The following WWOX variants were observed in gnomAD, a reference collection of about 807,000 sequenced individuals.
The protein encoded by WWOX is WW domain-containing oxidoreductase.
In WWOX, 69 loss-of-function variants were observed where a neutral mutation model predicts 46.2. The observed-to-expected ratio is 1.49, with a 90% confidence interval of 1.23 to 1.82. WWOX has a LOEUF of 1.82. Among genes scored for constraint, WWOX ranks in the 40% most tolerant of loss-of-function variants. The probability of loss-of-function intolerance (pLI) is 0.00; values close to 1 mark genes in which losing one functional copy is unlikely to be tolerated. For missense variants in WWOX, 919 were observed against 542.6 expected (o/e 1.69, Z -6.89); for synonymous variants, 359 against 202.6 (o/e 1.77, Z -6.56).
intron 8 of WWOX, among the ~76,000 whole-genome samples, chr16:78,646,820 C>T (rs147213028): frequency 3.3e-5 from 5 of 152,292 alleles, no homozygotes; most frequent in Admixed American, 6.5e-5. Flanking sequence ...CTAGAATCGC[C>T]TTCCTTTTAT....
At chr16:79,029,084 T>C (rs552209850) in intron 8 of WWOX, among the ~76,000 whole-genome samples, 23 of 152,254 alleles carry the variant, frequency 1.5e-4, no homozygotes, top group African/African-American at 5.3e-4. Context: ...AATGGTCCAT[T>C]TGGGCAAACA....
At chr16:79,096,119 C>A (rs1284797800) in intron 8 of WWOX, among the ~76,000 whole-genome samples, 1 of 149,658 alleles carries the variant, frequency 6.7e-6, no homozygotes, top group East Asian at 2.0e-4. Context: ...CCGCCTGCCT[C>A]GGTCTCCCAA....
At chr16:78,426,363 A>G (rs1025028663) in intron 7 of WWOX, among the ~76,000 whole-genome samples, 3 of 152,172 alleles carry the variant, frequency 2.0e-5, no homozygotes, top group Admixed American at 6.5e-5. Flanking sequence ...CTGGTATTTA[A>G]TGGGAGATTA....
chr16:78,358,853 A>T (rs1232819505), intron 5 of WWOX, among the ~76,000 whole-genome samples: 1 of 144,350 alleles, frequency 6.9e-6, no homozygotes, highest in Non-Finnish European at 1.5e-5. Flanking sequence ...TAAAGTTGAA[A>T]TCACACTGTG....
At chr16:79,042,592 T>A (rs866259515) in intron 8 of WWOX, among the ~76,000 whole-genome samples, 1 of 152,196 alleles carries the variant, frequency 6.6e-6, no homozygotes, top group African/African-American at 2.4e-5. Flanking sequence ...AGCATGGAAA[T>A]TTGGAGCAAA....
At chr16:79,102,684 T>A (rs2049225711) in intron 8 of WWOX, among the ~76,000 whole-genome samples, 1 of 152,000 alleles carries the variant, frequency 6.6e-6, no homozygotes, top group African/African-American at 2.4e-5. Flanking sequence ...AGCCACTGCA[T>A]AAAGATGTCA....
At chr16:78,731,860 T>C (rs1433588611) in intron 8 of WWOX, among the ~76,000 whole-genome samples, 2 of 142,712 alleles carry the variant, frequency 1.4e-5, no homozygotes, top group Non-Finnish European at 3.0e-5. Context: ...TTTTTTTTTT[T>C]TTTGAGAGAC....
At chr16:79,030,521 C>G (rs905137844) in intron 8 of WWOX, among the ~76,000 whole-genome samples, 12 of 152,294 alleles carry the variant, frequency 7.9e-5, no homozygotes, top group African/African-American at 2.9e-4. Flanking sequence ...GGCACTGACA[C>G]CAGACCAGGC....
intron 8 of WWOX, among the ~76,000 whole-genome samples, chr16:79,030,680 C>G (rs2047735285): frequency 6.6e-6 from 1 of 152,216 alleles, no homozygotes; most frequent in South Asian, 2.1e-4. Flanking sequence ...GTCTTGAAAT[C>G]TTGGGCTCAC....
At chr16:78,184,294 A>C (rs2035625753) in intron 5 of WWOX, among the ~76,000 whole-genome samples, 1 of 141,672 alleles carries the variant, frequency 7.1e-6, no homozygotes, top group Admixed American at 6.9e-5. Flanking sequence ...ATTTACGGGG[A>C]TGGGGTGGGC....
chr16:78,753,801 C>CAAAAAAAAAAA (rs869066028), intron 8 of WWOX, among the ~76,000 whole-genome samples: 1 of 29,140 alleles, frequency 3.4e-5, no homozygotes, highest in Non-Finnish European at 5.5e-5. Flanking sequence ...GACCCTATAT[C>CAAAAAAAAAAA]AAAAAAAAAA....
intron 5 of WWOX, among the ~76,000 whole-genome samples, chr16:78,314,328 C>T (rs1168946283): frequency 6.7e-6 from 1 of 148,708 alleles, no homozygotes; most frequent in African/African-American, 2.5e-5. Context: ...ATGGTGTGAA[C>T]CCAGGACGCA....
intron 4 of WWOX, among the ~76,000 whole-genome samples, chr16:78,121,218 C>A (rs963369914): frequency 1.3e-5 from 2 of 152,076 alleles, no homozygotes; most frequent in Non-Finnish European, 2.9e-5. Context: ...CTGAAATAAT[C>A]GAAATAACCT....
At chr16:78,596,395 A>G (rs541688963) in intron 8 of WWOX, among the ~76,000 whole-genome samples, 105 of 151,960 alleles carry the variant, frequency 6.9e-4, no homozygotes, top group African/African-American at 2.4e-3. Context: ...ACATCAGTGA[A>G]GAGGTAATCC....
chr16:78,412,905 C>T (rs186270576), intron 6 of WWOX, among the ~76,000 whole-genome samples: 17 of 152,244 alleles, frequency 1.1e-4, no homozygotes, highest in East Asian at 3.9e-4. Flanking sequence ...AGTGAATGTC[C>T]TTTTTTCTCT....
rs532274363 is a variant in WWOX, at chr16:78,703,073, G to A, written c.1056+270321G>A. 5.1e-4 allele frequency among the ~76,000 whole-genome samples: 78 copies of A among 152,214 alleles called. 1 individual carries two copies. The highest frequency in any genetic ancestry group is 6.8e-3 in the Middle Eastern group (2 of 294). Reference sequence around the variant, plus strand: ...TGTTGGGATCAGAGAAGGCTCCTCCGATGATGGGATGTTAGGTAGAGGGCT... The same window carrying A: ...TGTTGGGATCAGAGAAGGCTCCTCCAATGATGGGATGTTAGGTAGAGGGCT... On this transcript the variant is annotated intron_variant, in intron 8 of 8. Coordinates refer to ENST00000566780, the MANE Select transcript of WWOX (RefSeq NM_016373.4).
At chr16:78,443,421 A>G (rs74030256) in intron 8 of WWOX, among the ~76,000 whole-genome samples, 13,146 of 152,232 alleles carry the variant, frequency 0.086, 720 homozygotes, top group East Asian at 0.2. Context: ...TAAGCCCTCC[A>G]GTTGCCTGTT....
intron 8 of WWOX, among the ~76,000 whole-genome samples, chr16:78,989,785 G>T (rs1357925697): frequency 6.6e-6 from 1 of 151,046 alleles, no homozygotes; most frequent in Admixed American, 6.6e-5. Context: ...AGGAGGAAGT[G>T]AGAGGAAGCA....
At chr16:79,136,805 C>T (rs1478304077) in intron 8 of WWOX, among the ~76,000 whole-genome samples, 2 of 152,214 alleles carry the variant, frequency 1.3e-5, no homozygotes, top group Non-Finnish European at 2.9e-5. Flanking sequence ...ATGCCATGTA[C>T]ATGCCTGTGT....
Sources: allele counts gnomAD v4.1 joint callset (sites outside exome capture counted in the v4.1 genomes callset), GRCh38; gene constraint gnomAD v4.1.1; transcripts MANE v1.5; gene names NCBI Gene and HGNC (gene_info 2026-07-23, HGNC 2026-07-21).